Variants in GRIP1 observed in about 807,000 individuals in gnomAD.
The protein encoded by GRIP1 is glutamate receptor-interacting protein 1.
A neutral mutation model predicts 129.9 loss-of-function variants in GRIP1; 45 were observed. The observed-to-expected ratio is 0.35, with a 90% confidence interval of 0.27 to 0.44. The LOEUF (loss-of-function observed/expected upper bound fraction) is 0.44. Among genes scored for constraint, GRIP1 ranks in the 20% least tolerant of loss-of-function variants. The pLI is 1.00. For synonymous variants in GRIP1, 530 were observed against 520.8 expected (o/e 1.02, Z -0.24); for missense variants, 1,196 against 1,396.8 (o/e 0.86, Z 2.29).
Position 66,459,956 on chromosome 12 carries a change from C to T in GRIP1, c.1042+2968G>A, listed in dbSNP as rs566294794. Reference sequence around the variant, plus strand: ...ATTTAATAAAGCCAATAATTGTAGCCTACTTTCACTGATTACTTATTATAT... The same window carrying T: ...ATTTAATAAAGCCAATAATTGTAGCTTACTTTCACTGATTACTTATTATAT... On this transcript the variant is annotated intron_variant, in intron 9 of 24. Coordinates refer to ENST00000359742, the MANE Select transcript of GRIP1 (RefSeq NM_001366722.1). 3.9e-5 allele frequency among the ~76,000 whole-genome samples: 6 copies of T among 152,264 alleles called. No individual in the cohort carries two copies. The East Asian group carries it at 9.7e-4, about 25-fold the overall frequency.
At chr12:66,671,004 A>G (rs1034228285) in intron 1 of GRIP1, among the ~76,000 whole-genome samples, 6 of 152,054 alleles carry the variant, frequency 3.9e-5, no homozygotes, top group African/African-American at 1.4e-4. Context: ...TGGCTCCCAA[A>G]CTCAGCTAAC....
intron 13 of GRIP1, among the ~76,000 whole-genome samples, chr12:66,443,953 AAG>A (rs1351650956): frequency 6.6e-6 from 1 of 152,232 alleles, no homozygotes; most frequent in Non-Finnish European, 1.5e-5. Context: ...TGAAGGGTCA[AAG>A]AGAGGCTTTA....
At chr12:66,865,161 C>G (rs1269905601) in intron 1 of GRIP1, among the ~76,000 whole-genome samples, 2 of 152,090 alleles carry the variant, frequency 1.3e-5, no homozygotes, top group Admixed American at 1.3e-4. Context: ...TATTTTAGCT[C>G]AAGGAAGCAC....
At chr12:66,955,702 C>T (rs990992512) in intron 1 of GRIP1, among the ~76,000 whole-genome samples, 3 of 151,686 alleles carry the variant, frequency 2.0e-5, no homozygotes, top group Non-Finnish European at 4.4e-5. Flanking sequence ...AGACAGGGTT[C>T]CTCCATGTTG....
intron 1 of GRIP1, among the ~76,000 whole-genome samples, chr12:66,991,677 AAC>A (rs1460988758): frequency 6.6e-6 from 1 of 152,240 alleles, no homozygotes; most frequent in Non-Finnish European, 1.5e-5. Context: ...ATTTATTAAT[AAC>A]AGTGTTGAAA....
chr12:66,386,938 C>A (rs1486719337), intron 19 of GRIP1, among the ~76,000 whole-genome samples: 4 of 152,166 alleles, frequency 2.6e-5, no homozygotes, highest in Non-Finnish European at 5.9e-5. Context: ...CACCTCAAGA[C>A]AAAAAGTAAT....
At chr12:66,838,554 A>G (rs1312223288) in intron 1 of GRIP1, among the ~76,000 whole-genome samples, 2 of 152,204 alleles carry the variant, frequency 1.3e-5, no homozygotes, top group East Asian at 3.9e-4. Context: ...GCATGTGAAC[A>G]AATCAACTTA....
At chr12:66,986,162 A>G (rs2042307972) in intron 1 of GRIP1, among the ~76,000 whole-genome samples, 1 of 152,174 alleles carries the variant, frequency 6.6e-6, no homozygotes, top group Non-Finnish European at 1.5e-5. Context: ...CTTATCTAAA[A>G]ATCATTCAGG....
chr12:66,484,143 G>A (rs1437887957), intron 7 of GRIP1, among the ~76,000 whole-genome samples: 2 of 152,200 alleles, frequency 1.3e-5, no homozygotes, highest in Non-Finnish European at 2.9e-5. Flanking sequence ...ACAGGCGTGA[G>A]CCACTGCGCC....
intron 1 of GRIP1, among the ~76,000 whole-genome samples, chr12:66,837,226 C>G (rs1259436938): frequency 6.6e-6 from 1 of 152,172 alleles, no homozygotes; most frequent in Non-Finnish European, 1.5e-5. Context: ...GGGATGCAAA[C>G]ATAAATAAGA....
chr12:66,527,797 G>A (rs1031503388), intron 5 of GRIP1, among the ~76,000 whole-genome samples: 1 of 152,100 alleles, frequency 6.6e-6, no homozygotes, highest in Non-Finnish European at 1.5e-5. Flanking sequence ...AGACACTGAG[G>A]CCTATTTGAG....
chr12:66,917,773 T>C (rs1435424258), intron 1 of GRIP1, among the ~76,000 whole-genome samples: 3 of 152,192 alleles, frequency 2.0e-5, no homozygotes, highest in African/African-American at 4.8e-5. Flanking sequence ...TCAGATATTC[T>C]AGAGAACATT....
chr12:66,723,287 T>TTCCTTCCTTC (rs1565987980), intron 1 of GRIP1, among the ~76,000 whole-genome samples: 520 of 13,196 alleles, frequency 0.039, 5 homozygotes, highest in Middle Eastern at 0.17. Context: ...TTCCTTCCTT[T>TTCCTTCCTTC]CTTTCTTTCT....
At position 66,392,750 on chromosome 12, in the gene GRIP1, A is replaced by C; in HGVS notation, c.2196T>G (p.Pro732=). ...GTAACAAATGGATGGCTTCACTCAG[A>C]GGCTTCCCTTTCAAGCTGCTGCTAT... ...AINSSSLKGK[P]LSEAIHLLQM... The change falls in exon 18 of 25, where the codon CCT becomes CCG. Residue 732 remains proline, a synonymous_variant. Coordinates refer to ENST00000359742, the MANE Select transcript of GRIP1 (RefSeq NM_001366722.1). The C allele has an allele frequency of 1.2e-6, 2 of 1,614,000 alleles. No homozygotes were observed. The highest frequency in any genetic ancestry group is 1.7e-6 in the Non-Finnish European group (2 of 1,179,890).
chr12:66,737,830 G>A (rs953010168), intron 1 of GRIP1, among the ~76,000 whole-genome samples: 9 of 152,154 alleles, frequency 5.9e-5, no homozygotes, highest in African/African-American at 1.9e-4. Flanking sequence ...AAGGCAGACC[G>A]ATGTTATGCC....
At chr12:66,813,307 T>C (rs2039138992) in intron 1 of GRIP1, among the ~76,000 whole-genome samples, 1 of 152,068 alleles carries the variant, frequency 6.6e-6, no homozygotes, top group South Asian at 2.1e-4. Context: ...GAGAGAGAAC[T>C]CACTCATCAC....
At chr12:66,605,675 C>T (rs899967618) in intron 1 of GRIP1, among the ~76,000 whole-genome samples, 1 of 152,142 alleles carries the variant, frequency 6.6e-6, no homozygotes, top group Admixed American at 6.6e-5. Flanking sequence ...ACTTCGGTAA[C>T]TTTAAAACCT....
At chr12:66,899,456 T>C (rs545409835) in intron 1 of GRIP1, among the ~76,000 whole-genome samples, 9 of 82,616 alleles carry the variant, frequency 1.1e-4, no homozygotes, top group African/African-American at 8.2e-4. Flanking sequence ...CTCAAACTCC[T>C]GAACTCAAGT....
intron 1 of GRIP1, among the ~76,000 whole-genome samples, chr12:66,883,381 C>T (rs186878546): frequency 3.9e-5 from 6 of 152,010 alleles, no homozygotes; most frequent in African/African-American, 1.5e-4. Context: ...TCAAAATACC[C>T]AACCCATGGT....
Sources: gnomAD v4.1 joint callset for allele counts (sites outside exome capture counted in the v4.1 genomes callset) on GRCh38, gnomAD v4.1.1 for gene constraint, MANE v1.5 for transcripts, NCBI Gene and HGNC (gene_info 2026-07-23, HGNC 2026-07-21) for gene names.